The following CYP2C19 variants were observed in gnomAD, a reference collection of about 807,000 sequenced individuals.
The protein encoded by CYP2C19 is cytochrome P450 2C19.
In CYP2C19, 59 loss-of-function variants were observed where a neutral mutation model predicts 40.9. The observed-to-expected ratio is 1.44, with a 90% CI of 1.17 to 1.79. The LOEUF is 1.79. CYP2C19 is among the 40% of genes most tolerant of loss of function. CYP2C19 has a pLI of 0.00. For synonymous variants in CYP2C19, 253 were observed against 208.7 expected (o/e 1.21, Z -1.83); for missense variants, 754 against 596.9 (o/e 1.26, Z -2.74).
chr10:94,817,832 T>A (rs1198304342), intron 5 of CYP2C19, among the ~76,000 whole-genome samples: 2 of 151,572 alleles, frequency 1.3e-5, no homozygotes, highest in Non-Finnish European at 2.9e-5. Context: ...GCTAAAACGG[T>A]GAAACCCCGT....
At position 94,852,936 on chromosome 10, in the gene CYP2C19, G is replaced by A; in HGVS notation, c.*22G>A. On this transcript the variant is annotated 3_prime_UTR_variant, in exon 9 of 9. Transcript: ENST00000371321. ...CTGAAGAAGCACAGATGGTCTGGCT[G>A]CTCCTGTGCTGTCCCTGCAGCTCTC... 6.2e-7 allele frequency: 1 copy of A among 1,612,926 alleles called. No homozygotes were observed. The highest frequency in any genetic ancestry group is 8.5e-7 in the Non-Finnish European group (1 of 1,179,140).
intron 6 of CYP2C19, among the ~76,000 whole-genome samples, chr10:94,827,090 G>C (rs1409110396): frequency 3.2e-4 from 49 of 151,564 alleles, no homozygotes; most frequent in African/African-American, 1.0e-3. Context: ...ATTTTTGCAT[G>C]AATGTTCATC....
rs139636649 is a variant in CYP2C19, at chr10:94,783,106, A to G, written c.819+1109A>G. ...ACATGTATCCCAGAACTTAAAGTAT[A>G]ATAATAATAACAATAACAAAAATCT... is the stretch of plus-strand genomic sequence containing the variant. On this transcript the variant is annotated intron_variant, in intron 5 of 8. Coordinates refer to ENST00000371321, the MANE Select transcript of CYP2C19 (RefSeq NM_000769.4). Among the ~76,000 whole-genome samples, 475 of 152,214 alleles carry G rather than the reference A, an allele frequency of 3.1e-3. 3 individuals carry two copies. Among genetic ancestry groups the G allele is most frequent in the African/African-American group, 0.011 (448 of 41,556 alleles).
At position 94,794,224 on chromosome 10, in the gene CYP2C19, G is replaced by T. The variant is rs140060898; in HGVS notation, c.819+12227G>T. Reference sequence around the variant, plus strand: ...GCCATTGGAAAAGCACAGTATTAGGGTGGGAGTGTCCCAATTTTCCAGGAA... The same window carrying T: ...GCCATTGGAAAAGCACAGTATTAGGTTGGGAGTGTCCCAATTTTCCAGGAA... On this transcript the variant is annotated intron_variant, in intron 5 of 8. Coordinates refer to ENST00000371321, the MANE Select transcript of CYP2C19 (RefSeq NM_000769.4). Among the ~76,000 whole-genome samples, 690 of 152,236 alleles carry T rather than the reference G, an allele frequency of 4.5e-3. 6 individuals are homozygous for T. The highest frequency in any genetic ancestry group is 0.015 in the African/African-American group (638 of 41,552).
At chr10:94,797,622 CT>C (rs970812730) in intron 5 of CYP2C19, among the ~76,000 whole-genome samples, 2 of 151,076 alleles carry the variant, frequency 1.3e-5, no homozygotes, top group African/African-American at 2.4e-5. Context: ...TGGTCCTGAA[CT>C]TTTTTTTTGG....
chr10:94,763,586 G>A (rs537151310), intron 1 of CYP2C19, among the ~76,000 whole-genome samples: 2 of 152,070 alleles, frequency 1.3e-5, no homozygotes, highest in South Asian at 2.1e-4. Flanking sequence ...AGAGTAAAGG[G>A]CTGCGATTAG....
At chr10:94,763,966 C>T (rs184735405) in intron 1 of CYP2C19, among the ~76,000 whole-genome samples, 5 of 152,074 alleles carry the variant, frequency 3.3e-5, no homozygotes, top group East Asian at 3.9e-4. Flanking sequence ...GGAGTGAAGC[C>T]GCAGACCTTC....
intron 7 of CYP2C19, among the ~76,000 whole-genome samples, chr10:94,848,314 G>A (rs1341144458): frequency 1.3e-5 from 2 of 152,140 alleles, no homozygotes; most frequent in Non-Finnish European, 2.9e-5. Flanking sequence ...AGTTTTCCCA[G>A]CACCATTTAT....
At chr10:94,812,015 G>A (rs1407955919) in intron 5 of CYP2C19, among the ~76,000 whole-genome samples, 3 of 152,170 alleles carry the variant, frequency 2.0e-5, no homozygotes, top group Non-Finnish European at 2.9e-5. Context: ...GCTGTTCCCA[G>A]TTGATCCTTT....
intron 5 of CYP2C19, among the ~76,000 whole-genome samples, chr10:94,789,899 A>G (rs775624309): frequency 2.6e-5 from 4 of 152,140 alleles, no homozygotes; most frequent in Non-Finnish European, 5.9e-5. Context: ...TGGTAGCTTG[A>G]TGGGGATGGC....
At chr10:94,775,699 CAT>C (rs1848398627) in intron 3 of CYP2C19, 160 bp downstream of exon 3, 4 of 1,214,404 alleles carry the variant, frequency 3.3e-6, no homozygotes, top group Non-Finnish European at 4.7e-6. Context: ...GGAATTTGCA[CAT>C]GTTTGTGCTG....
At chr10:94,811,801 A>G (rs1848928999) in intron 5 of CYP2C19, among the ~76,000 whole-genome samples, 1 of 151,978 alleles carries the variant, frequency 6.6e-6, no homozygotes, top group Non-Finnish European at 1.5e-5. Context: ...TCCTGAATAC[A>G]GCACATTGAT....
rs545172205 is a variant in CYP2C19 at position 94,855,201 on chromosome 10, G to A, written c.*2287G>A. ...TATGTAAAGACCCTTGTGATTACATGAAACCCACCAGTGTAATCTCTTCAT... is the reference window on the plus strand; with the variant it reads ...TATGTAAAGACCCTTGTGATTACATAAAACCCACCAGTGTAATCTCTTCAT... On this transcript the variant is annotated 3_prime_UTR_variant, in exon 9 of 9. Transcript: ENST00000371321. 9.9e-5 allele frequency among the ~76,000 whole-genome samples: 15 copies of A among 152,192 alleles called. No individual in the cohort carries two copies. Among genetic ancestry groups the A allele is most frequent in the Admixed American group, 7.2e-4 (11 of 15,282 alleles).
chr10:94,851,204 C>A (rs767320816), intron 8 of CYP2C19, among the ~76,000 whole-genome samples: 1 of 151,840 alleles, frequency 6.6e-6, no homozygotes, highest in African/African-American at 2.4e-5. Flanking sequence ...TGGTAGAAGG[C>A]AAAGAGGAAG....
rs376005864 is a variant in CYP2C19, at chr10:94,804,194, A to G, written c.820-16302A>G. 1.3e-4 allele frequency among the ~76,000 whole-genome samples: 20 copies of G among 152,212 alleles called. No individual in the cohort carries two copies. In the East Asian group the frequency reaches 1.7e-3, roughly 13 times the overall value. On this transcript the variant is annotated intron_variant, in intron 5 of 8. Transcript: ENST00000371321. The stretch of plus-strand genomic sequence containing the variant: ...GGAAAGGCTGAGGCACCAAGCAAGG[A>G]CACATGCAGACCATTTCCAGGTCAC...
At chr10:94,842,488 A>G (rs1246188113) in intron 6 of CYP2C19, among the ~76,000 whole-genome samples, 1 of 145,784 alleles carries the variant, frequency 6.9e-6, no homozygotes, top group African/African-American at 2.6e-5. Context: ...GTCCATTTAC[A>G]TTCAGTGTTA....
At chr10:94,844,976 T>G (rs373703754) in intron 7 of CYP2C19, among the ~76,000 whole-genome samples, 166 of 152,326 alleles carry the variant, frequency 1.1e-3, no homozygotes, top group African/African-American at 3.9e-3. Context: ...GGGCAGCTCA[T>G]GCTATGCCTG....
intron 5 of CYP2C19, among the ~76,000 whole-genome samples, chr10:94,799,902 T>C (rs1424490355): frequency 6.6e-6 from 1 of 152,152 alleles, no homozygotes; most frequent in Non-Finnish European, 1.5e-5. Flanking sequence ...GCCATTCATC[T>C]AACCTTTTTT....
At chr10:94,793,964 T>C (rs1024467134) in intron 5 of CYP2C19, among the ~76,000 whole-genome samples, 6 of 152,016 alleles carry the variant, frequency 3.9e-5, no homozygotes, top group Non-Finnish European at 7.4e-5. Context: ...AAAGGTGTAG[T>C]CTACAGAGGC....
Sources: gnomAD v4.1 joint callset for allele counts (sites outside exome capture counted in the v4.1 genomes callset) on GRCh38, gnomAD v4.1.1 for gene constraint, MANE v1.5 for transcripts, NCBI Gene and HGNC (gene_info 2026-07-23, HGNC 2026-07-21) for gene names.